The following ADK variants were observed in gnomAD, a reference collection of about 807,000 sequenced individuals.
The protein encoded by ADK is N6,N6-dimethyladenosine kinase.
In ADK, 24 loss-of-function variants were observed where a neutral mutation model predicts 44.7. The observed-to-expected ratio is 0.54, with a 90% CI of 0.39 to 0.76. The LOEUF (loss-of-function observed/expected upper bound fraction) is 0.76. ADK is among the 30% of genes least tolerant of loss of function. The probability of loss-of-function intolerance (pLI) is 0.00; values close to 1 mark genes in which losing one functional copy is unlikely to be tolerated. For synonymous variants in ADK, 128 were observed against 142.6 expected (o/e 0.90, Z 0.73); for missense variants, 321 against 425.1 (o/e 0.76, Z 2.15).
chr10:74,432,068 C>T (rs1232518301), intron 6 of ADK, among the ~76,000 whole-genome samples: 1 of 152,010 alleles, frequency 6.6e-6, no homozygotes, highest in Non-Finnish European at 1.5e-5. Context: ...GTGGCTTGTG[C>T]CTGAGGTCCC....
chr10:74,430,826 G>A (rs1172726563), intron 6 of ADK, among the ~76,000 whole-genome samples: 2 of 151,906 alleles, frequency 1.3e-5, no homozygotes, highest in African/African-American at 2.4e-5. Context: ...AAGCACAGAG[G>A]CCTTGAGAAG....
intron 6 of ADK, among the ~76,000 whole-genome samples, chr10:74,445,646 C>T (rs1224124557): frequency 6.6e-6 from 1 of 151,804 alleles, no homozygotes; most frequent in Non-Finnish European, 1.5e-5. Context: ...TCCTGAAAAC[C>T]CCACAATTAT....
chr10:74,591,318 A>G (rs1443556153), intron 8 of ADK, among the ~76,000 whole-genome samples: 1 of 152,196 alleles, frequency 6.6e-6, no homozygotes, highest in African/African-American at 2.4e-5. Context: ...TTATAATCAC[A>G]TACCTTATTA....
chr10:74,153,348 C>T, intron 1 of ADK, among the ~76,000 whole-genome samples: 1 of 152,294 alleles, frequency 6.6e-6, no homozygotes, highest in South Asian at 2.1e-4. Context: ...TGCTGCTAAA[C>T]ATGCTACATA....
At chr10:74,592,119 C>T (rs902664879) in intron 8 of ADK, among the ~76,000 whole-genome samples, 1 of 151,908 alleles carries the variant, frequency 6.6e-6, no homozygotes, top group Non-Finnish European at 1.5e-5. Flanking sequence ...GAGATAAAAA[C>T]TGGAGCTGGG....
chr10:74,310,786 T>C (rs1429461273), intron 3 of ADK, among the ~76,000 whole-genome samples: 2 of 152,188 alleles, frequency 1.3e-5, no homozygotes, highest in Non-Finnish European at 2.9e-5. Flanking sequence ...TTTTAGTCTG[T>C]GTTTAACTGG....
At chr10:74,201,656 G>A (rs866277099) in intron 2 of ADK, among the ~76,000 whole-genome samples, 9 of 98,254 alleles carry the variant, frequency 9.2e-5, no homozygotes, top group African/African-American at 3.8e-4. Flanking sequence ...ATGTATGTAT[G>A]TATGTATGTA....
chr10:74,248,571 G>A (rs977792117), intron 3 of ADK, among the ~76,000 whole-genome samples: 1 of 152,120 alleles, frequency 6.6e-6, no homozygotes, highest in Non-Finnish European at 1.5e-5. Context: ...GGCCAGGGTG[G>A]TCTTGATCTA....
chr10:74,472,003 T>A (rs1846607905), intron 6 of ADK, among the ~76,000 whole-genome samples: 1 of 152,164 alleles, frequency 6.6e-6, no homozygotes, highest in Non-Finnish European at 1.5e-5. Context: ...TATTTCCTCT[T>A]TCCTTTCTTT....
intron 6 of ADK, among the ~76,000 whole-genome samples, chr10:74,438,405 T>TA (rs140590393): frequency 0.3 from 45,471 of 150,716 alleles, 8,716 homozygotes; most frequent in Non-Finnish European, 0.44. Flanking sequence ...TTTTTTTTTT[T>TA]ATCTTTAGTA....
rs141555385 is a variant in ADK, at chr10:74,284,544, G to A, written c.195-30123G>A. On this transcript the variant is annotated intron_variant, in intron 3 of 10. Coordinates refer to ENST00000539909, the MANE Select transcript of ADK (RefSeq NM_006721.4). ...CTCGCCAAGTGCTGGGATTACAGGC[G>A]TGAGCCACTGCTCCCAGCCCTTCAT... is the stretch of plus-strand genomic sequence containing the variant. 4.9e-3 allele frequency among the ~76,000 whole-genome samples: 753 copies of A among 152,298 alleles called. 5 individuals are homozygous for A. Among genetic ancestry groups the A allele is most frequent in the African/African-American group, 0.017 (705 of 41,558 alleles).
At chr10:74,541,804 C>G (rs1189218901) in intron 7 of ADK, among the ~76,000 whole-genome samples, 3 of 137,198 alleles carry the variant, frequency 2.2e-5, no homozygotes, top group South Asian at 2.6e-4. Context: ...ACCCCCCCCC[C>G]CTAAAAAAAA....
At chr10:74,387,334 A>G (rs1248366140) in intron 4 of ADK, among the ~76,000 whole-genome samples, 3 of 152,216 alleles carry the variant, frequency 2.0e-5, no homozygotes, top group Non-Finnish European at 4.4e-5. Context: ...AAAGCAAATC[A>G]GTGTGAAACA....
At chr10:74,375,606 C>T (rs974237753) in intron 4 of ADK, among the ~76,000 whole-genome samples, 1 of 152,062 alleles carries the variant, frequency 6.6e-6, no homozygotes, top group Non-Finnish European at 1.5e-5. Context: ...AAGCTGTAGC[C>T]TCTTATTAGA....
At chr10:74,648,741 G>A (rs1854145555) in intron 9 of ADK, among the ~76,000 whole-genome samples, 1 of 152,060 alleles carries the variant, frequency 6.6e-6, no homozygotes, top group Admixed American at 6.6e-5. Context: ...TGTAAAATAT[G>A]TAATTTATAA....
chr10:74,212,512 G>T (rs752650807), intron 2 of ADK, among the ~76,000 whole-genome samples: 6 of 152,284 alleles, frequency 3.9e-5, no homozygotes, highest in Admixed American at 6.5e-5. Flanking sequence ...TGTGACCTTG[G>T]TTATCTATGG....
At chr10:74,177,807 G>A (rs965282351) in intron 1 of ADK, among the ~76,000 whole-genome samples, 2 of 151,554 alleles carry the variant, frequency 1.3e-5, no homozygotes, top group African/African-American at 4.8e-5. Flanking sequence ...GTGATTTGAG[G>A]GCTTCTCAAT....
intron 1 of ADK, among the ~76,000 whole-genome samples, chr10:74,166,620 G>A (rs921616838): frequency 2.0e-5 from 3 of 149,552 alleles, no homozygotes; most frequent in Non-Finnish European, 3.0e-5. Flanking sequence ...TTGGAAGGTG[G>A]AAGTTGCAAT....
At chr10:74,273,801 C>T (rs927250131) in intron 3 of ADK, among the ~76,000 whole-genome samples, 1 of 152,146 alleles carries the variant, frequency 6.6e-6, no homozygotes, top group African/African-American at 2.4e-5. Context: ...TAATAAACAT[C>T]ATATACCCAA....
Sources: gnomAD v4.1 joint callset for allele counts (sites outside exome capture counted in the v4.1 genomes callset) on GRCh38, gnomAD v4.1.1 for gene constraint, MANE v1.5 for transcripts, NCBI Gene and HGNC (gene_info 2026-07-23, HGNC 2026-07-21) for gene names.